The following NEBL variants were observed in gnomAD, a reference collection of about 807,000 sequenced individuals.
The protein encoded by NEBL is nebulette, also known as LIM and SH3 protein 2.
A neutral mutation model predicts 140.2 loss-of-function variants in NEBL; 122 were observed. That is an observed-to-expected ratio of 0.87 (90% CI 0.75 to 1.01). The LOEUF is 1.01. Ranked by LOEUF, NEBL falls within the 50% of genes least tolerant of loss-of-function variation. The pLI is 0.00. For missense variants in NEBL, 1,365 were observed against 1,231.3 expected (o/e 1.11, Z -1.62); for synonymous variants, 436 against 398.9 (o/e 1.09, Z -1.11).
chr10:21,011,497 T>G (rs570441741), intron 3 of NEBL, among the ~76,000 whole-genome samples: 2 of 152,320 alleles, frequency 1.3e-5, no homozygotes, highest in South Asian at 4.1e-4. Context: ...CTGGTTCCCC[T>G]CTGAGATGAT....
chr10:21,278,797 A>T (rs1016400782), intron 1 of NEBL, among the ~76,000 whole-genome samples: 1 of 152,134 alleles, frequency 6.6e-6, no homozygotes, highest in African/African-American at 2.4e-5. Context: ...CCTGAGTTAC[A>T]TAGCCAGGGA....
chr10:20,957,119 C>A (rs1476296504), intron 4 of NEBL, among the ~76,000 whole-genome samples: 1 of 152,182 alleles, frequency 6.6e-6, no homozygotes, highest in African/African-American at 2.4e-5. Flanking sequence ...CTCAACCGAA[C>A]TTTGAATCAA....
intron 3 of NEBL, among the ~76,000 whole-genome samples, chr10:20,978,173 G>C (rs1005199777): frequency 2.4e-4 from 37 of 152,212 alleles, no homozygotes; most frequent in African/African-American, 8.9e-4. Context: ...CCCGAAATGA[G>C]ATTCAAGTTT....
At chr10:21,012,674 G>T (rs1045129848) in intron 3 of NEBL, among the ~76,000 whole-genome samples, 5 of 152,108 alleles carry the variant, frequency 3.3e-5, no homozygotes, top group Non-Finnish European at 7.4e-5. Context: ...TGCCCAGCCT[G>T]ATTTAATACT....
At chr10:21,291,914 A>C (rs1325344728) in intron 1 of NEBL, among the ~76,000 whole-genome samples, 1 of 152,228 alleles carries the variant, frequency 6.6e-6, no homozygotes, top group Non-Finnish European at 1.5e-5. Flanking sequence ...CAAAAATAAA[A>C]ATAAAAAAGA....
chr10:20,834,852 T>C (rs1282849164), intron 14 of NEBL, among the ~76,000 whole-genome samples: 1 of 152,184 alleles, frequency 6.6e-6, no homozygotes, highest in Non-Finnish European at 1.5e-5. Flanking sequence ...CTTTGAAAAA[T>C]ATGCATATGG....
intron 1 of NEBL, among the ~76,000 whole-genome samples, chr10:21,290,121 T>C (rs775730742): frequency 2.0e-5 from 3 of 152,216 alleles, no homozygotes; most frequent in Non-Finnish European, 2.9e-5. Context: ...GAGGGCCATG[T>C]GATGCTGTGT....
At chr10:21,215,065 A>T (rs546190665) in intron 3 of NEBL, among the ~76,000 whole-genome samples, 2 of 152,312 alleles carry the variant, frequency 1.3e-5, no homozygotes, top group African/African-American at 4.8e-5. Flanking sequence ...CAGAGTTTTA[A>T]ATCCACAAAA....
rs560497009 is a variant in NEBL, at chr10:20,783,016, G to T, written c.*2731C>A. 6.6e-6 allele frequency: 1 copy of T among 152,608 alleles called. No individual in the cohort carries two copies. Among genetic ancestry groups the T allele is most frequent in the Non-Finnish European group, 1.5e-5 (1 of 68,040 alleles). The allele number at this position is 152,608 out of a possible 1,614,324, so 9.5% of individuals were successfully genotyped here. A position where few individuals can be genotyped will look rare whatever the true frequency, so the allele number is the denominator to read the frequency against. On this transcript the variant is annotated 3_prime_UTR_variant, in exon 28 of 28. Coordinates refer to ENST00000377122, the MANE Select transcript of NEBL (RefSeq NM_006393.3). ...TTGAGAACACATCAAACTTTAGAAA[G>T]TCAGGTGCATGCTCTCTGTGCTTGG...
intron 3 of NEBL, among the ~76,000 whole-genome samples, chr10:21,233,564 A>C (rs1842294058): frequency 6.8e-6 from 1 of 147,590 alleles, no homozygotes; most frequent in African/African-American, 2.5e-5. Flanking sequence ...ACATATATAG[A>C]TATGGATATA....
At chr10:20,896,212 G>A (rs937956416) in intron 2 of NEBL, among the ~76,000 whole-genome samples, 2 of 151,904 alleles carry the variant, frequency 1.3e-5, no homozygotes, top group African/African-American at 4.8e-5. Flanking sequence ...TCTTAGAACC[G>A]CTAATGAGGA....
In NEBL at chr10:20,780,070, A is replaced by G. The variant is rs1162273126; in HGVS notation, c.*5677T>C. ...TGAGCCAAAGAGAAAGTTTTACAAA[A>G]TAATACAATAAGACTAGCATCCAAA... On this transcript the variant is annotated 3_prime_UTR_variant, in exon 28 of 28. Transcript: ENST00000377122. The G allele has an allele frequency of 6.6e-6, 1 of 152,218 alleles. No individual in the cohort carries two copies. The highest frequency in any genetic ancestry group is 1.5e-5 in the Non-Finnish European group (1 of 68,042). The allele number at this position is 152,218 out of a possible 1,614,324, so 9.4% of individuals were successfully genotyped here.
intron 1 of NEBL, among the ~76,000 whole-genome samples, chr10:21,279,335 T>C (rs1842963300): frequency 6.6e-6 from 1 of 150,572 alleles, no homozygotes; most frequent in African/African-American, 2.4e-5. Flanking sequence ...GCTCCCTCTG[T>C]TGCCTAGGGT....
intron 7 of NEBL, among the ~76,000 whole-genome samples, chr10:20,866,866 A>T (rs1844346700): frequency 6.6e-6 from 1 of 152,092 alleles, no homozygotes; most frequent in Non-Finnish European, 1.5e-5. Flanking sequence ...TCTGTGAATT[A>T]TCTATTTCAC....
At chr10:21,202,873 T>C (rs767536607) in intron 3 of NEBL, among the ~76,000 whole-genome samples, 1 of 152,234 alleles carries the variant, frequency 6.6e-6, no homozygotes, top group African/African-American at 2.4e-5. Flanking sequence ...ATATTTTCTA[T>C]ACTAAGTACT....
chr10:20,793,232 G>T, intron 26 of NEBL: 1 of 459,334 alleles, frequency 2.2e-6, no homozygotes, highest in Non-Finnish European at 2.9e-6. Context: ...CTCTATAATT[G>T]AGTTAAAACC....
intron 3 of NEBL, among the ~76,000 whole-genome samples, chr10:21,199,535 A>G (rs1490604632): frequency 6.6e-6 from 1 of 152,184 alleles, no homozygotes; most frequent in Non-Finnish European, 1.5e-5. Context: ...GACTAAAACT[A>G]GATAGTACAC....
At chr10:21,147,257 T>C (rs551085170) in intron 2 of NEBL, among the ~76,000 whole-genome samples, 1 of 152,194 alleles carries the variant, frequency 6.6e-6, no homozygotes, top group South Asian at 2.1e-4. Flanking sequence ...CAAGGTCTCA[T>C]TGCACGTTAG....
chr10:21,031,206 GGAGA>G (rs1473598839), intron 2 of NEBL, among the ~76,000 whole-genome samples: 2 of 152,156 alleles, frequency 1.3e-5, no homozygotes, highest in African/African-American at 2.4e-5. Flanking sequence ...AGAGATAGGA[GGAGA>G]GAGAGAGAAA....
Sources: gnomAD v4.1 joint callset for allele counts (sites outside exome capture counted in the v4.1 genomes callset) on GRCh38, gnomAD v4.1.1 for gene constraint, MANE v1.5 for transcripts, NCBI Gene and HGNC (gene_info 2026-07-23, HGNC 2026-07-21) for gene names.